Variants in MTREX observed in about 807,000 individuals in gnomAD.
MTREX encodes the protein Mtr4 exosome RNA helicase, also known as exosome RNA helicase MTR4.
Under a neutral mutation model 135.4 loss-of-function variants are expected in MTREX, and 76 were observed. That is an observed-to-expected ratio of 0.56 (90% CI 0.47 to 0.68). The LOEUF (loss-of-function observed/expected upper bound fraction) is 0.68, where lower values mean the gene tolerates loss of function less well. MTREX is among the 30% of genes least tolerant of loss of function. MTREX has a pLI of 0.00. For missense variants in MTREX, 920 were observed against 1,262.1 expected (o/e 0.73, Z 4.11); for synonymous variants, 404 against 401.6 (o/e 1.01, Z -0.07).
At chr5:55,418,053 T>C (rs577452247) in intron 25 of MTREX, among the ~76,000 whole-genome samples, 137 of 151,350 alleles carry the variant, frequency 9.1e-4, no homozygotes, top group Middle Eastern at 3.4e-3. Context: ...GCTAACACGG[T>C]GAAACCCCGT....
chr5:55,399,779 G>A (rs980449741), intron 20 of MTREX, among the ~76,000 whole-genome samples: 17 of 152,108 alleles, frequency 1.1e-4, no homozygotes, highest in East Asian at 1.9e-4. Context: ...GAGCCACCGC[G>A]CCTGGCCCTC....
chr5:55,393,035 G>A (rs1024811067), intron 19 of MTREX, among the ~76,000 whole-genome samples: 1 of 152,158 alleles, frequency 6.6e-6, no homozygotes, highest in Admixed American at 6.6e-5. Flanking sequence ...TATGGAAATA[G>A]GCCTTCAAAG....
At chr5:55,394,271 T>A (rs1363959593) in intron 19 of MTREX, among the ~76,000 whole-genome samples, 1 of 152,216 alleles carries the variant, frequency 6.6e-6, no homozygotes, top group Admixed American at 6.5e-5. Context: ...CTATGTGGTA[T>A]TGATAATTTT....
In MTREX at chr5:55,346,919, A is replaced by G. The variant is rs1266915329; in HGVS notation, c.1109-94A>G. The G allele has an allele frequency of 7.8e-6, 8 of 1,030,938 alleles. No individual in the cohort carries two copies. The Middle Eastern group carries it at 7.2e-4, about 93-fold the overall frequency. The allele number at this position is 1,030,938 out of a possible 1,614,324, so 63.9% of individuals were successfully genotyped here. On this transcript the variant is annotated intron_variant, in intron 10 of 26. Transcript: ENST00000230640. ...CACGGTCAGGAAGATTTATTCCTAT[A>G]TTTTCTCTTAAAAGTTTTATAGTTT... is the stretch of plus-strand genomic sequence containing the variant.
chr5:55,363,893 C>A (rs1750054441), intron 15 of MTREX, among the ~76,000 whole-genome samples: 1 of 152,294 alleles, frequency 6.6e-6, no homozygotes, highest in African/African-American at 2.4e-5. Flanking sequence ...GCTAAGCCCT[C>A]AGTAAATGGT....
At chr5:55,333,417 T>C (rs1324488783) in intron 5 of MTREX, among the ~76,000 whole-genome samples, 1 of 152,192 alleles carries the variant, frequency 6.6e-6, no homozygotes, top group Non-Finnish European at 1.5e-5. Context: ...CAATTATTTT[T>C]TTCACTATTT....
chr5:55,365,738 G>A (rs1038896324), intron 15 of MTREX, among the ~76,000 whole-genome samples: 1 of 152,180 alleles, frequency 6.6e-6, no homozygotes, highest in African/African-American at 2.4e-5. Context: ...GCTCATGCCT[G>A]TAATCCCAGC....
At chr5:55,308,622 C>T (rs1292286351) in intron 1 of MTREX, among the ~76,000 whole-genome samples, 1 of 152,042 alleles carries the variant, frequency 6.6e-6, no homozygotes, top group Non-Finnish European at 1.5e-5. Flanking sequence ...TAGTGCCTAC[C>T]ACTGGTGGAT....
intron 1 of MTREX, among the ~76,000 whole-genome samples, chr5:55,321,095 G>T: frequency 6.6e-6 from 1 of 151,980 alleles, no homozygotes; most frequent in African/African-American, 2.4e-5. Flanking sequence ...AATATGTAGT[G>T]GTTTGACTGT....
chr5:55,308,353 C>T (rs1749008620), intron 1 of MTREX, among the ~76,000 whole-genome samples: 1 of 151,824 alleles, frequency 6.6e-6, no homozygotes, highest in African/African-American at 2.4e-5. Context: ...CTGCAGGCAG[C>T]GTGATCTTCT....
At chr5:55,311,637 AT>A (rs751698773) in intron 1 of MTREX, among the ~76,000 whole-genome samples, 140 of 152,328 alleles carry the variant, frequency 9.2e-4, no homozygotes, top group Non-Finnish European at 1.7e-3. Flanking sequence ...TTGTGACATA[AT>A]AGCCACTATC....
intron 16 of MTREX, among the ~76,000 whole-genome samples, chr5:55,371,688 T>G (rs1046073638): frequency 1.3e-5 from 2 of 152,360 alleles, no homozygotes; most frequent in East Asian, 1.9e-4. Context: ...CCTCATTAAT[T>G]TATGTATTTG....
chr5:55,416,215 A>G (rs1750963598), intron 25 of MTREX, 83 bp downstream of exon 25: 1 of 840,850 alleles, frequency 1.2e-6, no homozygotes, highest in African/African-American at 1.8e-5. Context: ...CAAGTATAAT[A>G]TGTATTTTTA....
rs142192750 is a variant in MTREX, at chr5:55,401,895, T to C, written c.2481+1474T>C. On this transcript the variant is annotated intron_variant, in intron 21 of 26. Transcript: ENST00000230640. ...CTCCATGAAACTTACAACTCCTTGC[T>C]GTTGTACTTTTTCAACTTTTATCAC... Among the ~76,000 whole-genome samples the C allele has an allele frequency of 3.3e-3, 500 of 152,326 alleles. 21 individuals are homozygous for C. Among genetic ancestry groups the C allele is most frequent in the Admixed American group, 0.03 (452 of 15,306 alleles).
chr5:55,388,136 A>T (rs1325261504), intron 19 of MTREX, 34 bp downstream of exon 19: 2 of 1,568,242 alleles, frequency 1.3e-6, no homozygotes, highest in Non-Finnish European at 1.7e-6. Flanking sequence ...CTGATTTCAG[A>T]TATTCTGTAA....
intron 7 of MTREX, among the ~76,000 whole-genome samples, chr5:55,342,774 A>G (rs1749671639): frequency 6.6e-6 from 1 of 152,186 alleles, no homozygotes; most frequent in South Asian, 2.1e-4. Flanking sequence ...TAAGCTCTTA[A>G]CAGAGTTGTT....
chr5:55,328,856 CTT>C (rs756051731), intron 5 of MTREX, 45 bp downstream of exon 5: 30 of 1,262,308 alleles, frequency 2.4e-5, no homozygotes, highest in Non-Finnish European at 3.3e-5. Flanking sequence ...TTATTTCACT[CTT>C]TAAAAGTTTC....
At chr5:55,398,853 G>A (rs1172417103) in intron 20 of MTREX, among the ~76,000 whole-genome samples, 3 of 152,166 alleles carry the variant, frequency 2.0e-5, no homozygotes, top group Non-Finnish European at 2.9e-5. Flanking sequence ...TTTGCAACAT[G>A]TTTTAAACAA....
intron 11 of MTREX, among the ~76,000 whole-genome samples, chr5:55,349,217 C>G (rs1358038819): frequency 6.9e-6 from 1 of 143,914 alleles, no homozygotes; most frequent in Non-Finnish European, 1.5e-5. Flanking sequence ...GATGGGGTCT[C>G]ACTCTGTTGC....
Sources: allele counts gnomAD v4.1 joint callset (sites outside exome capture counted in the v4.1 genomes callset), GRCh38; gene constraint gnomAD v4.1.1; transcripts MANE v1.5; gene names NCBI Gene and HGNC (gene_info 2026-07-23, HGNC 2026-07-21).